The following PRKCZ variants were observed in gnomAD, a reference collection of about 807,000 sequenced individuals.
PRKCZ encodes the protein protein kinase C zeta, also known as protein kinase C zeta type.
Under a neutral mutation model 79.5 loss-of-function variants are expected in PRKCZ, and 33 were observed. The observed-to-expected ratio is 0.41, with a 90% CI of 0.31 to 0.55. The LOEUF is 0.55. Ranked by LOEUF, PRKCZ falls within the 20% of genes least tolerant of loss-of-function variation. PRKCZ has a pLI of 0.19. For synonymous variants in PRKCZ, 342 were observed against 320.9 expected, an observed-to-expected ratio of 1.07 and a Z score of -0.70; for missense variants, 578 against 813.5, an observed-to-expected ratio of 0.71 and a Z score of 3.52.
rs2803306 is a variant in PRKCZ, at chr1:2,075,852, C to T, written c.334+16261C>T. 0.12 allele frequency among the ~76,000 whole-genome samples: 18,248 copies of T among 152,226 alleles called. 3,561 individuals are homozygous for T. The highest frequency in any genetic ancestry group is 0.41 in the African/African-American group (16,915 of 41,484). On this transcript the variant is annotated intron_variant, in intron 4 of 17. Coordinates refer to ENST00000378567, the MANE Select transcript of PRKCZ (RefSeq NM_002744.6). This position sits in a 1 kb window ranked among gnomAD's most constrained non-coding sequence, Gnocchi z 4.8. Reference sequence around the variant, plus strand: ...CCCACTGAGCATCCTGAGAAGTTCCCGTGCTTGTGACCTGCTCTCGTGTGT... The same window carrying T: ...CCCACTGAGCATCCTGAGAAGTTCCTGTGCTTGTGACCTGCTCTCGTGTGT...
intron 4 of PRKCZ, among the ~76,000 whole-genome samples, chr1:2,134,223 C>G (rs1675689190): frequency 6.6e-6 from 1 of 152,232 alleles, no homozygotes; most frequent in African/African-American, 2.4e-5. Context: ...CGCTCTGAAT[C>G]TTCCATTTAA....
chr1:2,093,805 G>A (rs571257695), intron 4 of PRKCZ, among the ~76,000 whole-genome samples: 3 of 152,106 alleles, frequency 2.0e-5, no homozygotes, highest in Non-Finnish European at 2.9e-5. Context: ...GGCCTGCCCC[G>A]CCTGTGCTTG....
intron 10 of PRKCZ, among the ~76,000 whole-genome samples, chr1:2,160,362 C>T (rs924575191): frequency 6.6e-6 from 1 of 151,946 alleles, no homozygotes; most frequent in African/African-American, 2.4e-5. Context: ...TGGTCACCAG[C>T]GTCAGGAGGC....
chr1:2,120,302 T>TTG (rs1671623313), intron 4 of PRKCZ, among the ~76,000 whole-genome samples: 2 of 126,420 alleles, frequency 1.6e-5, no homozygotes, highest in Non-Finnish European at 3.4e-5. Context: ...CGTTTTTTTT[T>TTG]TTTTTTTTTT....
intron 4 of PRKCZ, among the ~76,000 whole-genome samples, chr1:2,093,223 G>A (rs1013008292): frequency 1.3e-5 from 2 of 151,876 alleles, no homozygotes; most frequent in Non-Finnish European, 2.9e-5. Flanking sequence ...TCCTCCTGGT[G>A]GACACCAGGT....
Position 2,144,476 on chromosome 1 carries a change from C to T in PRKCZ, c.552+135C>T, listed in dbSNP as rs189686040. On this transcript the variant is annotated intron_variant, in intron 6 of 17. Transcript: ENST00000378567. ...GTGGTGCCGTCCTAGCTCTGGGCTG[C>T]AGCGTGAGACTCAGGCGGCAGTCTT... The T allele has an allele frequency of 5.5e-5, 80 of 1,457,246 alleles. No individual in the cohort carries two copies. In the African/African-American group the frequency reaches 1.0e-3, roughly 19 times the overall value. 90.3% of individuals were successfully genotyped at this position (1,457,246 alleles called of 1,614,324 possible).
chr1:2,051,115 C>T (rs758160419), intron 1 of PRKCZ: 1 of 156,256 alleles, frequency 6.4e-6, no homozygotes, highest in South Asian at 2.0e-4. Context: ...GGGGGTCTCG[C>T]TTTAGCCAAA....
chr1:2,138,726 G>A (rs1362863655), intron 5 of PRKCZ, among the ~76,000 whole-genome samples: 1 of 152,104 alleles, frequency 6.6e-6, no homozygotes, highest in African/African-American at 2.4e-5. Context: ...CTTGAGGCCA[G>A]GAGTTCAAGA....
rs530834790 is a variant in PRKCZ at position 2,055,507 on chromosome 1, C to T, written c.138C>T (p.Asp46=). The T allele has an allele frequency of 5.0e-6, 8 of 1,614,114 alleles. No individual in the cohort carries two copies. Among genetic ancestry groups the T allele is most frequent in the Middle Eastern group, 1.6e-4 (1 of 6,062 alleles). ...TFEELCEEVR[D]MCRLHQQHPL... ...AGGAGCTCTGTGAGGAAGTGAGAGACATGTGTCGTCTGCACCAGCAGCACC... is the reference window on the plus strand; with the variant it reads ...AGGAGCTCTGTGAGGAAGTGAGAGATATGTGTCGTCTGCACCAGCAGCACC... The change falls in exon 2 of 18, where the codon GAC becomes GAT. Residue 46 remains aspartate, a synonymous_variant. Coordinates refer to ENST00000378567, the MANE Select transcript of PRKCZ (RefSeq NM_002744.6).
In PRKCZ at chr1:2,050,676, G is replaced by C. The variant is rs904415878; in HGVS notation, c.46G>C (p.Val16Leu). ...CAAGATGGAAGGGAGCGGCGGCCGCGTCCGCCTCAAGGCGCATTACGGGGG... is the reference window on the plus strand; with the variant it reads ...CAAGATGGAAGGGAGCGGCGGCCGCCTCCGCCTCAAGGCGCATTACGGGGG... ...GPKMEGSGGR[V>L]RLKAHYGGDI... is the part of the protein sequence containing the mutation. Residue 16 changes from valine to leucine, a missense_variant, in exon 1 of 18, where the codon GTC (valine) becomes CTC (leucine). Transcript: ENST00000378567. 2 of 1,227,688 alleles carry C rather than the reference G, an allele frequency of 1.6e-6. No homozygotes were observed. Among genetic ancestry groups the C allele is most frequent in the South Asian group, 4.1e-5 (1 of 24,300 alleles). The allele number at this position is 1,227,688 out of a possible 1,614,324, so 76.0% of individuals were successfully genotyped here.
At chr1:2,102,604 T>C (rs937974634) in intron 4 of PRKCZ, among the ~76,000 whole-genome samples, 29 of 152,182 alleles carry the variant, frequency 1.9e-4, no homozygotes, top group Non-Finnish European at 4.3e-4. Context: ...AGTGCTAGGA[T>C]TACAGGTGTG....
In PRKCZ at chr1:2,127,778, A is replaced by G. The variant is rs1372096619; in HGVS notation, c.335-7484A>G. 2.6e-5 allele frequency among the ~76,000 whole-genome samples: 4 copies of G among 152,114 alleles called. No homozygotes were observed. Among genetic ancestry groups the G allele is most frequent in the Non-Finnish European group, 4.4e-5 (3 of 68,018 alleles). ...CCCTGGCCAGGGTGGCCCAGTGCCC[A>G]CTATAGAGGGTGCAGGTCAGTTTGT... On this transcript the variant is annotated intron_variant, in intron 4 of 17. Transcript: ENST00000378567. This position sits in a 1 kb window ranked among gnomAD's most constrained non-coding sequence, Gnocchi z 5.1.
intron 4 of PRKCZ, among the ~76,000 whole-genome samples, chr1:2,083,666 G>GAGGAGGCTTGGGGTGAATTCCAGTGTGTC (rs1269445440): frequency 6.6e-6 from 1 of 152,150 alleles, no homozygotes; most frequent in Non-Finnish European, 1.5e-5. Flanking sequence ...TCCAGTGTGT[G>GAGGAGGCTTGGGGTGAATTCCAGTGTGTC]AGGAGGCTTG....
At chr1:2,163,250 T>C (rs185576669) in intron 10 of PRKCZ, among the ~76,000 whole-genome samples, 1 of 152,300 alleles carries the variant, frequency 6.6e-6, no homozygotes, top group East Asian at 1.9e-4. Flanking sequence ...TGCCCTGGCA[T>C]GTGCAAAGGG....
intron 8 of PRKCZ, among the ~76,000 whole-genome samples, chr1:2,150,180 AAAG>A (rs1264185942): frequency 6.6e-6 from 1 of 151,514 alleles, no homozygotes; most frequent in African/African-American, 2.4e-5. Flanking sequence ...AAAAAAAAAA[AAAG>A]CAGAATCCAT....
At chr1:2,070,434 G>A (rs1011107184) in intron 4 of PRKCZ, among the ~76,000 whole-genome samples, 5 of 152,260 alleles carry the variant, frequency 3.3e-5, no homozygotes, top group South Asian at 2.1e-4. Context: ...GGGTTTGGCC[G>A]GGAGGACACC....
At chr1:2,067,138 T>C (rs1371194728) in intron 4 of PRKCZ, among the ~76,000 whole-genome samples, 1 of 152,216 alleles carries the variant, frequency 6.6e-6, no homozygotes, top group Admixed American at 6.5e-5. Flanking sequence ...GAATATACTT[T>C]GGATAATGTC....
At chr1:2,099,256 C>A (rs1427670517) in intron 4 of PRKCZ, among the ~76,000 whole-genome samples, 1 of 152,204 alleles carries the variant, frequency 6.6e-6, no homozygotes, top group Non-Finnish European at 1.5e-5. Flanking sequence ...ATTTTCAGTG[C>A]GATGCAGCTG....
chr1:2,099,696 G>A (rs1374088932), intron 4 of PRKCZ, among the ~76,000 whole-genome samples: 1 of 152,190 alleles, frequency 6.6e-6, no homozygotes, highest in Admixed American at 6.5e-5. Flanking sequence ...CAGCGTGGAG[G>A]TGAGGGTCGG....
Sources: allele counts gnomAD v4.1 joint callset (sites outside exome capture counted in the v4.1 genomes callset), GRCh38; gene constraint gnomAD v4.1.1; non-coding constraint Gnocchi (gnomAD v3.1); transcripts MANE v1.5; gene names NCBI Gene and HGNC (gene_info 2026-07-23, HGNC 2026-07-21).